Variants in NRXN1 observed in about 807,000 individuals in gnomAD.
NRXN1 encodes the protein neurexin 1.
In NRXN1, 39 loss-of-function variants were observed where a neutral mutation model predicts 150.9. The observed-to-expected ratio is 0.26, with a 90% CI of 0.20 to 0.34. The LOEUF is 0.34. Among genes scored for constraint, NRXN1 ranks in the 10% least tolerant of loss-of-function variants. The probability of loss-of-function intolerance (pLI) is 1.00; values close to 1 mark genes in which losing one functional copy is unlikely to be tolerated. For synonymous variants in NRXN1, 924 were observed against 757.0 expected (o/e 1.22, Z -3.62); for missense variants, 1,815 against 1,949.9 (o/e 0.93, Z 1.30).
intron 21 of NRXN1, among the ~76,000 whole-genome samples, chr2:49,998,354 T>C (rs1683333819): frequency 2.0e-5 from 3 of 152,198 alleles, no homozygotes; most frequent in South Asian, 2.1e-4. Flanking sequence ...TTAATGCCCA[T>C]GTATATACAC....
intron 19 of NRXN1, among the ~76,000 whole-genome samples, chr2:50,084,747 C>T (rs931826187): frequency 6.6e-5 from 10 of 152,080 alleles, no homozygotes; most frequent in African/African-American, 1.7e-4. Context: ...GCTGCTAGCA[C>T]GCTGTCACCT....
intron 21 of NRXN1, chr2:49,974,263 A>G (rs1573154602): frequency 1.6e-6 from 1 of 619,716 alleles, no homozygotes; most frequent in South Asian, 1.6e-5. Context: ...GCAGGAAGGG[A>G]TGCTGCAGTT....
chr2:50,386,956 A>G lies in NRXN1; in HGVS notation c.3364+78486T>C, dbSNP rs557694247. On this transcript the variant is annotated intron_variant, in intron 17 of 22. Transcript: ENST00000401669. ...TGAGAGCTAATACTATTTTCAATTT[A>G]TAGTTGACAGAACAAGCTGAGTGAT... 1.2e-4 allele frequency among the ~76,000 whole-genome samples: 18 copies of G among 152,298 alleles called. No homozygotes were observed. In the South Asian group the frequency reaches 3.7e-3, roughly 32 times the overall value.
chr2:50,833,719 T>G (rs927741530), intron 5 of NRXN1, among the ~76,000 whole-genome samples: 3 of 152,214 alleles, frequency 2.0e-5, no homozygotes, highest in Non-Finnish European at 4.4e-5. Flanking sequence ...GTATCCTGAC[T>G]GTAGTGGTGG....
intron 5 of NRXN1, among the ~76,000 whole-genome samples, chr2:50,766,672 G>C (rs1338922574): frequency 6.6e-6 from 1 of 151,974 alleles, no homozygotes; most frequent in Non-Finnish European, 1.5e-5. Context: ...TCCTACCACA[G>C]CCGTGCAAAT....
intron 5 of NRXN1, among the ~76,000 whole-genome samples, chr2:50,741,916 G>C (rs1248526744): frequency 6.6e-6 from 1 of 152,058 alleles, no homozygotes; most frequent in Non-Finnish European, 1.5e-5. Flanking sequence ...TGAGAACTGG[G>C]AGTCTACATG....
At chr2:50,322,749 C>T (rs1461351099) in intron 17 of NRXN1, among the ~76,000 whole-genome samples, 1 of 151,972 alleles carries the variant, frequency 6.6e-6, no homozygotes, top group Non-Finnish European at 1.5e-5. Context: ...AAATTAAATT[C>T]AAAAGCTACA....
At chr2:50,238,302 T>A (rs1001878862) in intron 17 of NRXN1, among the ~76,000 whole-genome samples, 1 of 152,014 alleles carries the variant, frequency 6.6e-6, no homozygotes, top group African/African-American at 2.4e-5. Flanking sequence ...GACATTGTTG[T>A]TTTCCTGCCT....
chr2:51,000,805 C>T (rs1699942396), intron 2 of NRXN1, among the ~76,000 whole-genome samples: 1 of 151,434 alleles, frequency 6.6e-6, no homozygotes, highest in Non-Finnish European at 1.5e-5. Context: ...TTGTTAATTT[C>T]CAATAAAAAT....
intron 19 of NRXN1, among the ~76,000 whole-genome samples, chr2:50,079,303 G>C (rs188434398): frequency 6.6e-6 from 1 of 151,980 alleles, no homozygotes; most frequent in African/African-American, 2.4e-5. Flanking sequence ...CAGGTAAAAT[G>C]TGTCCACTAC....
chr2:50,509,806 G>T lies in NRXN1; in HGVS notation c.2375-3189C>A, dbSNP rs185677312. On this transcript the variant is annotated intron_variant, in intron 12 of 22. Transcript: ENST00000401669. Reference sequence around the variant, plus strand: ...TTTCTCCCTGCATCAATGTATTACAGACTTAATGTGTGTGTCCCTCAGAAT... The same window carrying T: ...TTTCTCCCTGCATCAATGTATTACATACTTAATGTGTGTGTCCCTCAGAAT... Among the ~76,000 whole-genome samples the T allele has an allele frequency of 3.8e-3, 576 of 152,216 alleles. 6 individuals carry two copies. The highest frequency in any genetic ancestry group is 0.013 in the African/African-American group (550 of 41,522).
intron 2 of NRXN1, among the ~76,000 whole-genome samples, chr2:51,024,048 T>C (rs1238851569): frequency 2.0e-5 from 3 of 152,244 alleles, no homozygotes; most frequent in Non-Finnish European, 1.5e-5. Context: ...AATTATAACT[T>C]AATTTCTTAT....
At chr2:50,990,317 G>A (rs79067127) in intron 2 of NRXN1, among the ~76,000 whole-genome samples, 2,733 of 152,008 alleles carry the variant, frequency 0.018, 86 homozygotes, top group African/African-American at 0.063. Context: ...TTTTAAGAAG[G>A]TAAAAACTTA....
intron 17 of NRXN1, among the ~76,000 whole-genome samples, chr2:50,416,658 ATCAGGCAGAAGGG>A (rs1379389680): frequency 6.6e-6 from 1 of 152,108 alleles, no homozygotes; most frequent in East Asian, 1.9e-4. Context: ...GAAATTTATA[ATCAGGCAGAAGGG>A]GAAGCAAACA....
At chr2:50,092,796 G>C (rs751707146) in intron 18 of NRXN1, among the ~76,000 whole-genome samples, 1 of 152,024 alleles carries the variant, frequency 6.6e-6, no homozygotes, top group Non-Finnish European at 1.5e-5. Flanking sequence ...GTTTCTGTTG[G>C]TTTTCTTCCC....
At chr2:50,914,754 G>T (rs149907586) in intron 5 of NRXN1, among the ~76,000 whole-genome samples, 3 of 151,616 alleles carry the variant, frequency 2.0e-5, no homozygotes, top group Non-Finnish European at 3.0e-5. Flanking sequence ...AAAGGAAAAA[G>T]AAATTTAAAA....
intron 17 of NRXN1, among the ~76,000 whole-genome samples, chr2:50,257,235 C>T (rs1342929979): frequency 6.6e-6 from 1 of 152,002 alleles, no homozygotes; most frequent in Non-Finnish European, 1.5e-5. Flanking sequence ...TAATCTATTA[C>T]CTTTTTAATA....
rs2103968557 is a variant in NRXN1, at chr2:49,920,250, T to TAAG, written c.*1691_*1693dup. The TAAG allele has an allele frequency of 6.6e-6, 1 of 152,400 alleles. No individual in the cohort carries two copies. Among genetic ancestry groups the TAAG allele is most frequent in the South Asian group, 2.1e-4 (1 of 4,832 alleles). The allele number at this position is 152,400 out of a possible 1,614,324, so 9.4% of individuals were successfully genotyped here. A position where few individuals can be genotyped will look rare whatever the true frequency, so the allele number is the denominator to read the frequency against. On this transcript the variant is annotated 3_prime_UTR_variant, in exon 23 of 23. Coordinates refer to ENST00000401669, the MANE Select transcript of NRXN1 (RefSeq NM_001330078.2). The stretch of plus-strand genomic sequence containing the variant: ...CAATAATTAACAGAGAATGATTTTT[T>TAAG]AAGTGGGTAGTAATACAGAATCAAA...
At chr2:50,919,473 T>A (rs1685683949) in intron 5 of NRXN1, 1 of 151,484 alleles carries the variant, frequency 6.6e-6, no homozygotes, top group African/African-American at 2.4e-5. Flanking sequence ...AATGAAGATG[T>A]TCTTGAATTT....
Sources: allele counts gnomAD v4.1 joint callset (sites outside exome capture counted in the v4.1 genomes callset), GRCh38; gene constraint gnomAD v4.1.1; transcripts MANE v1.5; gene names NCBI Gene and HGNC (gene_info 2026-07-23, HGNC 2026-07-21).